Variants in ADGRE3 observed in about 807,000 individuals in gnomAD.
The protein encoded by ADGRE3 is EGF-like module receptor 3.
In ADGRE3, 88 loss-of-function variants were observed where a neutral mutation model predicts 80.1. The ratio of observed to expected loss-of-function variants is 1.10; its 90% CI spans 0.93 to 1.31. ADGRE3 has a LOEUF of 1.31. Among genes scored for constraint, ADGRE3 ranks in the 40% most tolerant of loss-of-function variants. The probability of loss-of-function intolerance (pLI) is 0.00; values close to 1 mark genes in which losing one functional copy is unlikely to be tolerated. For missense variants in ADGRE3, 715 were observed against 776.5 expected (o/e 0.92, Z 0.94); for synonymous variants, 281 against 294.8 (o/e 0.95, Z 0.48).
rs1568471605 is a variant in ADGRE3, at chr19:14,620,560, ATATATATATTTTTTTTTTTTT to A, written c.1921-1110_1921-1090del. On this transcript the variant is annotated intron_variant, in intron 15 of 15. Transcript: ENST00000253673. ...TTTTATATATATATTATATATATATATATATATATTTTTTTTTTTTTTTTTTTTTTTTTTTTTGAGACAGGG... is the reference window on the plus strand; with the variant it reads ...TTTTATATATATATTATATATATATATTTTTTTTTTTTTTTTGAGACAGGG... Among the ~76,000 whole-genome samples, 191 of 23,638 alleles carry A rather than the reference ATATATATATTTTTTTTTTTTT, an allele frequency of 8.1e-3. 18 individuals carry two copies. The highest frequency in any genetic ancestry group is 0.01 in the Non-Finnish European group (138 of 13,266). 15.5% of individuals were successfully genotyped at this position (23,638 alleles called of 152,430 possible).
At chr19:14,649,144 CTCTCTCTTTCCA>C (rs1971504958) in intron 7 of ADGRE3, among the ~76,000 whole-genome samples, 1 of 150,542 alleles carries the variant, frequency 6.6e-6, no homozygotes, top group Admixed American at 6.6e-5. Flanking sequence ...CTCTCCACAT[CTCTCTCTTTCCA>C]TCTCTCTCCC....
At position 14,647,328 on chromosome 19, in the gene ADGRE3, A is replaced by C. The variant is rs1407073313; in HGVS notation, c.735T>G (p.Leu245=). 8.7e-6 allele frequency: 14 copies of C among 1,612,304 alleles called. No homozygotes were observed. The highest frequency in any genetic ancestry group is 1.2e-5 in the Non-Finnish European group (14 of 1,178,362). Residue 245 remains leucine (L), a synonymous_variant, in exon 8 of 16, where the codon CTT becomes CTG. Transcript: ENST00000253673. The part of the protein sequence containing the change: ...SAIAFISYSS[L]GNIINATFFE... ...AAAAAGTTGCATTTATGATGTTTCC[A>C]AGAGAAGAATATGAGATAAAGGCAA...
chr19:14,665,948 A>G (rs1366344512), intron 2 of ADGRE3, among the ~76,000 whole-genome samples: 4 of 111,630 alleles, frequency 3.6e-5, no homozygotes, highest in Admixed American at 2.7e-4. Flanking sequence ...ATATATATAT[A>G]TATATATATA....
intron 10 of ADGRE3, 119 bp from the exon 11 acceptor site, chr19:14,638,459 G>T: frequency 1.5e-6 from 1 of 677,392 alleles, no homozygotes; most frequent in Non-Finnish European, 2.6e-6. Context: ...GGCACTAAAA[G>T]TAAAGGGGAA....
At chr19:14,655,188 C>A in intron 5 of ADGRE3, 23 bp from the exon 6 acceptor site, 1 of 1,589,040 alleles carries the variant, frequency 6.3e-7, no homozygotes, top group Admixed American at 1.9e-5. Flanking sequence ...AAAGAATTTT[C>A]ATTTTTTAAA....
At chr19:14,625,646 G>T in intron 14 of ADGRE3, 47 bp from the exon 15 acceptor site, 2 of 1,194,754 alleles carry the variant, frequency 1.7e-6, no homozygotes, top group South Asian at 1.2e-5. Flanking sequence ...TAACATTGGT[G>T]AACAGCAGAA....
At chr19:14,605,054 T>C in the ADGRE3 span, among the ~76,000 whole-genome samples, 27 of 151,956 alleles carry the variant, frequency 1.8e-4, no homozygotes, top group Non-Finnish European at 3.7e-4. Flanking sequence ...TAAAATGGGC[T>C]GGGCATGGTG....
At chr19:14,658,022 C>T (rs1007340790) in intron 5 of ADGRE3, among the ~76,000 whole-genome samples, 2 of 152,108 alleles carry the variant, frequency 1.3e-5, no homozygotes, top group South Asian at 2.1e-4. Context: ...ACCTCGGCCT[C>T]CCAAAGTGCT....
intron 8 of ADGRE3, among the ~76,000 whole-genome samples, chr19:14,644,781 C>T (rs552282642): frequency 9.9e-5 from 15 of 152,204 alleles, no homozygotes; most frequent in Non-Finnish European, 1.9e-4. Context: ...GCTGGAGTGC[C>T]GTGACGCAAT....
intron 14 of ADGRE3, 59 bp from the exon 15 acceptor site, chr19:14,625,658 G>C (rs951561270): frequency 2.0e-5 from 20 of 1,017,108 alleles, no homozygotes; most frequent in Admixed American, 1.4e-4. Context: ...ACAGCAGAAA[G>C]GTCGGTGAGT....
chr19:14,629,446 C>A (rs1970819956), intron 14 of ADGRE3, among the ~76,000 whole-genome samples: 1 of 152,002 alleles, frequency 6.6e-6, no homozygotes. Flanking sequence ...TGACTTTGGG[C>A]TTGGGTGTGT....
At position 14,638,358 on chromosome 19, in the gene ADGRE3, G is replaced by T. The variant is rs1296253184; in HGVS notation, c.1249-18C>A. The stretch of plus-strand genomic sequence containing the variant: ...CACAGCACCTGGGGGAGGAGAAAGG[G>T]ATGCCTGAAGGGGTTGTCAGGGTGG... On this transcript the variant is annotated intron_variant, in intron 10 of 15. Transcript: ENST00000253673. The T allele has an allele frequency of 6.3e-7, 1 of 1,599,634 alleles. No homozygotes were observed. Among genetic ancestry groups the T allele is most frequent in the Admixed American group, 1.7e-5 (1 of 59,850 alleles).
At chr19:14,671,896 A>C (rs1339154219) in intron 1 of ADGRE3, among the ~76,000 whole-genome samples, 1 of 151,998 alleles carries the variant, frequency 6.6e-6, no homozygotes, top group Non-Finnish European at 1.5e-5. Flanking sequence ...CATGCATGAG[A>C]TACCACTTGT....
intron 6 of ADGRE3, among the ~76,000 whole-genome samples, chr19:14,652,698 A>T (rs1971640076): frequency 6.6e-6 from 1 of 151,098 alleles, no homozygotes; most frequent in Non-Finnish European, 1.5e-5. Flanking sequence ...GAATTGCTTG[A>T]ACCCAGGAGG....
At chr19:14,614,517 A>G (rs2075064382), downstream of ADGRE3, among the ~76,000 whole-genome samples, 1 of 152,136 alleles carries the variant, frequency 6.6e-6, no homozygotes, top group Non-Finnish European at 1.5e-5. Flanking sequence ...AAATAAATGC[A>G]GTGGCTCTCA....
chr19:14,645,887 C>T (rs1238092853), intron 8 of ADGRE3, among the ~76,000 whole-genome samples: 1 of 151,928 alleles, frequency 6.6e-6, no homozygotes, highest in Non-Finnish European at 1.5e-5. Context: ...TGGGAGAGTC[C>T]CTTGAGCCCA....
intron 7 of ADGRE3, among the ~76,000 whole-genome samples, chr19:14,648,087 C>CA (rs60371636): frequency 0.31 from 33,386 of 108,390 alleles, 5,886 homozygotes; most frequent in African/African-American, 0.44. Context: ...ATCTCAAAGA[C>CA]AAAAAAAAAA....
At chr19:14,632,401 C>T (rs1970910487) in intron 13 of ADGRE3, among the ~76,000 whole-genome samples, 1 of 152,030 alleles carries the variant, frequency 6.6e-6, no homozygotes, top group African/African-American at 2.4e-5. Context: ...AGATCTCTTC[C>T]CCTTTGAGTT....
chr19:14,635,556 C>T (rs184719031), intron 11 of ADGRE3, among the ~76,000 whole-genome samples: 149 of 151,922 alleles, frequency 9.8e-4, no homozygotes, highest in African/African-American at 3.1e-3. Flanking sequence ...AGATTACAGG[C>T]GCGCACCACC....
Sources: allele counts gnomAD v4.1 joint callset (sites outside exome capture counted in the v4.1 genomes callset), GRCh38; gene constraint gnomAD v4.1.1; transcripts MANE v1.5; gene names NCBI Gene and HGNC (gene_info 2026-07-23, HGNC 2026-07-21).